PLB1: variants seen among roughly 807,000 people sequenced by gnomAD.
PLB1 encodes the protein phospholipase B1, membrane-associated.
A neutral mutation model predicts 227.4 loss-of-function variants in PLB1; 242 were observed. That is an observed-to-expected ratio of 1.06 (90% CI 0.96 to 1.18). The LOEUF (loss-of-function observed/expected upper bound fraction) is 1.18, where lower values mean the gene tolerates loss of function less well. PLB1 is among the 50% of genes most tolerant of loss of function. The pLI, the probability that PLB1 is intolerant of heterozygous loss-of-function variation, is 0.00. For missense variants in PLB1, 1,858 were observed against 1,816.3 expected, an observed-to-expected ratio of 1.02 and a Z score of -0.42; for synonymous variants, 757 against 682.2, an observed-to-expected ratio of 1.11 and a Z score of -1.71.
intron 56 of PLB1, among the ~76,000 whole-genome samples, chr2:28,640,565 T>G (rs1008931700): frequency 1.3e-5 from 2 of 152,148 alleles, no homozygotes; most frequent in Non-Finnish European, 2.9e-5. Context: ...GAAAACACGG[T>G]GTCTTGCAAT....
intron 56 of PLB1, among the ~76,000 whole-genome samples, chr2:28,636,001 A>ATGTATGAATGTG (rs1689262511): frequency 2.0e-5 from 3 of 148,002 alleles, no homozygotes; most frequent in African/African-American, 7.5e-5. Flanking sequence ...GTGTGTATGT[A>ATGTATGAATGTG]TGTGTATGTA....
At chr2:28,520,581 T>A (rs1251175168) in intron 4 of PLB1, among the ~76,000 whole-genome samples, 2 of 152,184 alleles carry the variant, frequency 1.3e-5, no homozygotes, top group African/African-American at 2.4e-5. Context: ...ACTGAAACAC[T>A]CTACCCATGA....
At chr2:28,516,424 C>G (rs1436400909) in intron 1 of PLB1, among the ~76,000 whole-genome samples, 1 of 152,180 alleles carries the variant, frequency 6.6e-6, no homozygotes, top group Non-Finnish European at 1.5e-5. Flanking sequence ...CCTTTGCCTT[C>G]CCTGCTTTGT....
Position 28,512,820 on chromosome 2 carries a change from T to C in PLB1, c.56-3988T>C, listed in dbSNP as rs180999756. ...CCATAATGTTCTGTTGCTTGCTGTG[T>C]ATGCAGGTTAGGGAATGAGCACGAA... On this transcript the variant is annotated intron_variant, in intron 1 of 57. Transcript: ENST00000327757. 6.6e-5 allele frequency among the ~76,000 whole-genome samples: 10 copies of C among 152,332 alleles called. No individual in the cohort carries two copies. In the East Asian group the frequency reaches 1.9e-3, roughly 29 times the overall value.
intron 50 of PLB1, 65 bp from the exon 51 acceptor site, chr2:28,626,363 C>T (rs1478388385): frequency 2.8e-6 from 4 of 1,409,240 alleles, no homozygotes; most frequent in Non-Finnish European, 4.0e-6. Context: ...GGCGGGCTGG[C>T]CCAGTAGCAA....
chr2:28,611,240 C>G (rs1685417950), intron 43 of PLB1, among the ~76,000 whole-genome samples: 1 of 152,208 alleles, frequency 6.6e-6, no homozygotes, highest in Admixed American at 6.5e-5. Flanking sequence ...AGCCCTCTAG[C>G]TCTGCCTCCC....
intron 1 of PLB1, among the ~76,000 whole-genome samples, chr2:28,505,387 A>G (rs4398231): frequency 0.43 from 65,738 of 152,150 alleles, 16,335 homozygotes; most frequent in Middle Eastern, 0.64. Context: ...GGCTTATAAA[A>G]CTGAAATATC....
chr2:28,496,251 G>C, intron 1 of PLB1, 82 bp downstream of exon 1: 1 of 1,355,246 alleles, frequency 7.4e-7, no homozygotes, highest in East Asian at 2.3e-5. Flanking sequence ...GGGTGTGTGA[G>C]AGGAGTGTGT....
chr2:28,514,993 C>T (rs929499659), intron 1 of PLB1, among the ~76,000 whole-genome samples: 5 of 151,996 alleles, frequency 3.3e-5, no homozygotes, highest in African/African-American at 7.2e-5. Context: ...TTTAAAAGGC[C>T]ATTTAACCTT....
rs773031007 is a variant in PLB1, at chr2:28,582,105, G to A, written c.1604G>A (p.Gly535Glu). 1 of 1,613,958 alleles carries A rather than the reference G, an allele frequency of 6.2e-7. No individual in the cohort carries two copies. The highest frequency in any genetic ancestry group is 8.5e-7 in the Non-Finnish European group (1 of 1,179,944). Reference protein sequence around the residue: ...YSPQNFTDNIGKALDILHAEV... With the variant: ...YSPQNFTDNIEKALDILHAEV... Reference sequence around the variant, plus strand: ...CCCCAGAACTTCACAGACAACATTGGAAAGGCCCTGGACATCCTCCATGCT... The same window carrying A: ...CCCCAGAACTTCACAGACAACATTGAAAAGGCCCTGGACATCCTCCATGCT... Residue 535 changes from glycine (G) to glutamate (E), a missense_variant, in exon 24 of 58, where the codon GGA becomes GAA. Physicochemically the swap from Gly to Glu is moderately conservative, Grantham distance 98. Transcript: ENST00000327757.
At chr2:28,518,682 C>A in intron 3 of PLB1, 150 bp downstream of exon 3, 1 of 611,436 alleles carries the variant, frequency 1.6e-6, no homozygotes, top group Non-Finnish European at 2.9e-6. Context: ...CAGATGATTT[C>A]CCAGTCATCT....
At chr2:28,617,974 G>A (rs1686437271) in intron 45 of PLB1, among the ~76,000 whole-genome samples, 187 bp downstream of exon 45, 1 of 152,206 alleles carries the variant, frequency 6.6e-6, no homozygotes, top group African/African-American at 2.4e-5. Context: ...GCTCTCCATT[G>A]GATGCTACTT....
chr2:28,626,829 C>T (rs1687863660), intron 51 of PLB1, among the ~76,000 whole-genome samples: 1 of 152,194 alleles, frequency 6.6e-6, no homozygotes, highest in Non-Finnish European at 1.5e-5. Flanking sequence ...AGGGGACTAG[C>T]CATCCTCACC....
At chr2:28,641,058 C>T in intron 57 of PLB1, 57 bp downstream of exon 57, 4 of 1,537,376 alleles carry the variant, frequency 2.6e-6, no homozygotes, top group Non-Finnish European at 3.6e-6. Flanking sequence ...GGGGGTTGTC[C>T]TGTCCCCTGG....
chr2:28,538,393 G>A lies in PLB1; in HGVS notation c.618+12G>A. On this transcript the variant is annotated intron_variant, in intron 10 of 57. Transcript: ENST00000327757. ...ACCTGCAGCAGGAGGTGAGGCCACG[G>A]GCCTAGGGCTTCCCCAAGGGCAGTG... 1 of 1,609,756 alleles carries A rather than the reference G, an allele frequency of 6.2e-7. No homozygotes were observed. Among genetic ancestry groups the A allele is most frequent in the Non-Finnish European group, 8.5e-7 (1 of 1,178,912 alleles).
rs531137205 is a variant in PLB1, at chr2:28,643,662, C to T, written c.*601C>T. ...ACGTGATGATGTGTAACTACTAGGG[C>T]ATCAGTAGGTAAATGTGTCTGATTG... On this transcript the variant is annotated 3_prime_UTR_variant, in exon 58 of 58. Coordinates refer to ENST00000327757, the MANE Select transcript of PLB1 (RefSeq NM_153021.5). 6.6e-6 allele frequency: 1 copy of T among 152,334 alleles called. No homozygotes were observed. Among genetic ancestry groups the T allele is most frequent in the African/African-American group, 2.4e-5 (1 of 41,566 alleles). 9.4% of individuals were successfully genotyped at this position (152,334 alleles called of 1,614,324 possible).
intron 39 of PLB1, among the ~76,000 whole-genome samples, chr2:28,603,301 G>A (rs1172643337): frequency 6.6e-6 from 1 of 152,228 alleles, no homozygotes; most frequent in Non-Finnish European, 1.5e-5. Flanking sequence ...GTTACCTTTA[G>A]GGGAAGAAGA....
intron 1 of PLB1, among the ~76,000 whole-genome samples, chr2:28,506,772 G>GGC (rs560647559): frequency 3.8e-4 from 58 of 152,292 alleles, no homozygotes; most frequent in African/African-American, 1.1e-3. Flanking sequence ...AGTCAAAAGA[G>GGC]GCACCACCTT....
In PLB1 at chr2:28,590,022, G is replaced by C; in HGVS notation, c.2034G>C (p.Gln678His). 1 of 1,613,832 alleles carries C rather than the reference G, an allele frequency of 6.2e-7. No homozygotes were observed. Among genetic ancestry groups the C allele is most frequent in the Non-Finnish European group, 8.5e-7 (1 of 1,179,786 alleles). The change falls in exon 29 of 58, where the codon CAG becomes CAC. Residue 678 changes from glutamine to histidine, a missense_variant. By Grantham distance (24) the Gln-to-His change is conservative. Coordinates refer to ENST00000327757, the MANE Select transcript of PLB1 (RefSeq NM_153021.5). ...LWNNMLEPVG[Q>H]KTTRHKFENK... ...TTGTTTAGCTGGAGCCTGTTGGCCA[G>C]AAGACGACTCGTCATAAGTTTGAAA...
Sources: allele counts gnomAD v4.1 joint callset (sites outside exome capture counted in the v4.1 genomes callset), GRCh38; gene constraint gnomAD v4.1.1; transcripts MANE v1.5; gene names NCBI Gene and HGNC (gene_info 2026-07-23, HGNC 2026-07-21).